The following GPC5 variants were observed in gnomAD, a reference collection of about 807,000 sequenced individuals.
GPC5 encodes the protein glypican 5, also known as glypican-5.
GPC5 carries 47 observed loss-of-function variants against 53.9 expected under a neutral mutation model. The observed-to-expected ratio is 0.87, with a 90% CI of 0.69 to 1.11. The LOEUF (loss-of-function observed/expected upper bound fraction) is 1.11. Ranked by LOEUF, GPC5 falls within the 50% of genes most tolerant of loss-of-function variation. The probability of loss-of-function intolerance (pLI) is 0.00; values close to 1 mark genes in which losing one functional copy is unlikely to be tolerated. For synonymous variants in GPC5, 286 were observed against 263.3 expected (o/e 1.09, Z -0.84); for missense variants, 748 against 713.1 (o/e 1.05, Z -0.56).
chr13:91,617,354 C>A (rs1019700953), intron 2 of GPC5, among the ~76,000 whole-genome samples: 15 of 151,962 alleles, frequency 9.9e-5, no homozygotes, highest in African/African-American at 3.6e-4. Flanking sequence ...AGAATTTCAC[C>A]AGTCAGAAAA....
At position 91,494,430 on chromosome 13, in the gene GPC5, C is replaced by A. The variant is rs932416380; in HGVS notation, c.325+45508C>A. Among the ~76,000 whole-genome samples, 52 of 151,940 alleles carry A rather than the reference C, an allele frequency of 3.4e-4. 1 individual carries two copies. Among genetic ancestry groups the A allele is most frequent in the African/African-American group, 4.8e-5 (2 of 41,384 alleles). Reference sequence around the variant, plus strand: ...ATTTCTTTCATCAAAAACACCACCACCAACCAAACAACTCTAGAATGTACT... The same window carrying A: ...ATTTCTTTCATCAAAAACACCACCAACAACCAAACAACTCTAGAATGTACT... On this transcript the variant is annotated intron_variant, in intron 2 of 7. Coordinates refer to ENST00000377067, the MANE Select transcript of GPC5 (RefSeq NM_004466.6).
intron 7 of GPC5, among the ~76,000 whole-genome samples, chr13:92,431,406 T>TA (rs1877077176): frequency 6.6e-6 from 1 of 151,078 alleles, no homozygotes; most frequent in African/African-American, 2.4e-5. Flanking sequence ...TTTTTTTTTT[T>TA]AAGCTAAAGT....
chr13:91,846,091 T>C (rs1271215975), intron 5 of GPC5, among the ~76,000 whole-genome samples: 1 of 152,144 alleles, frequency 6.6e-6, no homozygotes, highest in African/African-American at 2.4e-5. Flanking sequence ...TGGGACACTT[T>C]CTTTGCAGAA....
At chr13:92,132,783 G>A (rs2041754809) in intron 6 of GPC5, among the ~76,000 whole-genome samples, 1 of 151,658 alleles carries the variant, frequency 6.6e-6, no homozygotes, top group African/African-American at 2.4e-5. Context: ...TATATTTTGG[G>A]GAAAAACATA....
chr13:92,463,889 TAA>T (rs775221333), intron 7 of GPC5, among the ~76,000 whole-genome samples: 2 of 152,200 alleles, frequency 1.3e-5, no homozygotes, highest in Non-Finnish European at 2.9e-5. Flanking sequence ...TTATTGGAGT[TAA>T]GAGTTTCTCA....
intron 7 of GPC5, among the ~76,000 whole-genome samples, chr13:92,267,444 T>G (rs922558869): frequency 1.4e-4 from 22 of 152,128 alleles, no homozygotes; most frequent in Non-Finnish European, 1.2e-4. Flanking sequence ...TTCTTTGTAT[T>G]TCTTTTCTTG....
chr13:92,202,915 A>G (rs550852947), intron 7 of GPC5, among the ~76,000 whole-genome samples: 16 of 152,180 alleles, frequency 1.1e-4, no homozygotes, highest in Admixed American at 2.0e-4. Flanking sequence ...ACTTTTCAAG[A>G]GAACTTATGC....
rs199566312 is a variant in GPC5, at chr13:91,583,384, G to C, written c.326-109803G>C. ...TGAGGTTAATATTAAAACATGATTT[G>C]AATACACCAATAATAAAATAAACTT... On this transcript the variant is annotated intron_variant, in intron 2 of 7. Coordinates refer to ENST00000377067, the MANE Select transcript of GPC5 (RefSeq NM_004466.6). 2.4e-4 allele frequency among the ~76,000 whole-genome samples: 37 copies of C among 152,170 alleles called. No individual in the cohort carries two copies. The East Asian group carries it at 5.0e-3, about 21-fold the overall frequency.
intron 6 of GPC5, among the ~76,000 whole-genome samples, chr13:92,042,534 C>T (rs1052478521): frequency 5.3e-5 from 8 of 152,086 alleles, no homozygotes; most frequent in Non-Finnish European, 1.0e-4. Flanking sequence ...TTTGAGAAGC[C>T]ACATACCACG....
intron 3 of GPC5, among the ~76,000 whole-genome samples, chr13:91,694,697 C>G (rs770251396): frequency 6.6e-6 from 1 of 152,182 alleles, no homozygotes; most frequent in Non-Finnish European, 1.5e-5. Flanking sequence ...TAAAATTATA[C>G]TCTCCAGTGC....
At chr13:91,558,136 A>C (rs2031059906) in intron 2 of GPC5, among the ~76,000 whole-genome samples, 1 of 152,116 alleles carries the variant, frequency 6.6e-6, no homozygotes, top group South Asian at 2.1e-4. Flanking sequence ...TTTCTACTGA[A>C]GCTGTAACTT....
At chr13:92,043,349 T>C (rs2040956476) in intron 6 of GPC5, among the ~76,000 whole-genome samples, 1 of 152,018 alleles carries the variant, frequency 6.6e-6, no homozygotes, top group African/African-American at 2.4e-5. Flanking sequence ...AGTTATGGGA[T>C]GGAGAAAAAG....
intron 2 of GPC5, among the ~76,000 whole-genome samples, chr13:91,542,019 T>TATTAATTATTATTA (rs1555321640): frequency 6.8e-6 from 1 of 147,002 alleles, no homozygotes; most frequent in Non-Finnish European, 1.5e-5. Context: ...GAGCTCTTAA[T>TATTAATTATTATTA]ATTAATTAAT....
intron 6 of GPC5, among the ~76,000 whole-genome samples, chr13:92,098,958 CTTT>C (rs10633643): frequency 4.2e-5 from 6 of 143,140 alleles, no homozygotes; most frequent in African/African-American, 7.7e-5. Context: ...TTGTTCTTGC[CTTT>C]TTTTTTTTTT....
chr13:92,340,824 C>T (rs1320778922), intron 7 of GPC5, among the ~76,000 whole-genome samples: 5 of 152,048 alleles, frequency 3.3e-5, no homozygotes, highest in South Asian at 2.1e-4. Flanking sequence ...GGTTTTTATG[C>T]ATAAAATAAT....
intron 1 of GPC5, among the ~76,000 whole-genome samples, chr13:91,447,820 G>GTAT (rs1371611886): frequency 1.3e-5 from 2 of 152,030 alleles, no homozygotes; most frequent in African/African-American, 2.4e-5. Context: ...GGAAATAACC[G>GTAT]TATTAGGCCA....
intron 6 of GPC5, among the ~76,000 whole-genome samples, chr13:91,970,030 G>A (rs977514679): frequency 6.6e-6 from 1 of 151,974 alleles, no homozygotes; most frequent in African/African-American, 2.4e-5. Context: ...GGTTCATCAA[G>A]GAATAAATGG....
At chr13:92,332,602 T>C (rs1488588483) in intron 7 of GPC5, among the ~76,000 whole-genome samples, 2 of 152,192 alleles carry the variant, frequency 1.3e-5, no homozygotes, top group Non-Finnish European at 2.9e-5. Flanking sequence ...AATCAACATA[T>C]GTTAATAACT....
intron 7 of GPC5, among the ~76,000 whole-genome samples, chr13:92,369,662 A>T (rs1035557200): frequency 2.0e-5 from 3 of 152,224 alleles, no homozygotes; most frequent in African/African-American, 7.2e-5. Context: ...ATATAAATGA[A>T]TAAGTGGTAA....
Sources: gnomAD v4.1 joint callset for allele counts (sites outside exome capture counted in the v4.1 genomes callset) on GRCh38, gnomAD v4.1.1 for gene constraint, MANE v1.5 for transcripts, NCBI Gene and HGNC (gene_info 2026-07-23, HGNC 2026-07-21) for gene names.